The following ARHGAP39 variants were observed in gnomAD, a reference collection of about 807,000 sequenced individuals.
ARHGAP39 encodes rho GTPase-activating protein 39.
A neutral mutation model predicts 106.9 loss-of-function variants in ARHGAP39; 44 were observed. The ratio of observed to expected loss-of-function variants is 0.41; its 90% CI spans 0.32 to 0.53. ARHGAP39 has a LOEUF of 0.53. Ranked by LOEUF, ARHGAP39 falls within the 20% of genes least tolerant of loss-of-function variation. The pLI is 0.21. For synonymous variants in ARHGAP39, 768 were observed against 693.2 expected (o/e 1.11, Z -1.69); for missense variants, 1,496 against 1,577.3 (o/e 0.95, Z 0.87).
At chr8:144,664,026 G>A (rs1369605439) in intron 1 of ARHGAP39, among the ~76,000 whole-genome samples, 1 of 152,086 alleles carries the variant, frequency 6.6e-6, no homozygotes, top group Non-Finnish European at 1.5e-5. Context: ...AATTAGCCGG[G>A]CATAGTGGTG....
chr8:144,621,032 G>A (rs373474512), intron 1 of ARHGAP39, among the ~76,000 whole-genome samples: 4 of 152,282 alleles, frequency 2.6e-5, no homozygotes, highest in African/African-American at 7.2e-5. Flanking sequence ...GTTGGAGGGG[G>A]CCAGACTCAC....
intron 1 of ARHGAP39, among the ~76,000 whole-genome samples, chr8:144,607,978 G>A (rs543882685): frequency 5.9e-5 from 9 of 152,054 alleles, no homozygotes; most frequent in South Asian, 2.1e-4. Context: ...CCAACACAGC[G>A]AAACCCCATC....
chr8:144,677,795 A>G (rs1412169578), intron 1 of ARHGAP39, among the ~76,000 whole-genome samples: 2 of 152,238 alleles, frequency 1.3e-5, no homozygotes, highest in African/African-American at 4.8e-5. Flanking sequence ...GTTCCAGGGT[A>G]GAGACTAGGA....
At position 144,593,157 on chromosome 8, in the gene ARHGAP39, CCT is replaced by C. The variant is rs1043058841; in HGVS notation, c.81-11882_81-11881del. Among the ~76,000 whole-genome samples, 50 of 152,138 alleles carry C rather than the reference CCT, an allele frequency of 3.3e-4. 1 individual carries two copies. Among genetic ancestry groups the C allele is most frequent in the Admixed American group, 2.8e-3 (43 of 15,266 alleles). On this transcript the variant is annotated intron_variant, in intron 2 of 11. Transcript: ENST00000377307. ...AAGGCGGAACAACCTTCCTGCAGCC[CCT>C]GTTTCTTGGAGATGTCTGTTTGCAC...
At position 144,580,891 on chromosome 8, in the gene ARHGAP39, G is replaced by C; in HGVS notation, c.467C>G (p.Ala156Gly). ...TGTCCCAAACGCCGCGGGCCGCCCG[G>C]CCCTCGCTGGCAACTCCTGCGCTTT... ...TEKAQELPAR[A>G]GRPAAFGTVK... The change falls in exon 3 of 12, where the codon GCC becomes GGC. Residue 156 changes from alanine to glycine, a missense_variant. This residue lies in a region of ARHGAP39 where 905 missense variants were observed against 816.4 expected (regional missense o/e 1.11). Coordinates refer to ENST00000377307, the MANE Select transcript of ARHGAP39 (RefSeq NM_025251.3). 6.3e-7 allele frequency: 1 copy of C among 1,592,838 alleles called. No individual in the cohort carries two copies. The highest frequency in any genetic ancestry group is 1.7e-4 in the Middle Eastern group (1 of 5,912).
At chr8:144,539,543 T>C (rs981885293) in intron 6 of ARHGAP39, among the ~76,000 whole-genome samples, 68 of 152,386 alleles carry the variant, frequency 4.5e-4, no homozygotes, top group African/African-American at 1.6e-3. Flanking sequence ...TTAGGTTTTA[T>C]ATCTTGGTTT....
intron 1 of ARHGAP39, among the ~76,000 whole-genome samples, chr8:144,619,733 C>T (rs11992590): frequency 0.027 from 3,912 of 147,056 alleles, 168 homozygotes; most frequent in African/African-American, 0.094. Flanking sequence ...TGTCCGTGTG[C>T]GTGTGAGCCT....
chr8:144,551,567 C>T (rs1817691470), intron 4 of ARHGAP39, among the ~76,000 whole-genome samples: 3 of 152,302 alleles, frequency 2.0e-5, no homozygotes, highest in East Asian at 1.9e-4. Context: ...GAGGACCACG[C>T]CCCACGGCGC....
At chr8:144,664,310 T>G (rs1277655556) in intron 1 of ARHGAP39, among the ~76,000 whole-genome samples, 2 of 152,196 alleles carry the variant, frequency 1.3e-5, no homozygotes. Context: ...TCCCTCCACA[T>G]GGCAGCCAGC....
chr8:144,628,838 T>G (rs1029429673), intron 1 of ARHGAP39, among the ~76,000 whole-genome samples: 2 of 152,214 alleles, frequency 1.3e-5, no homozygotes, highest in African/African-American at 4.8e-5. Flanking sequence ...CCCCACCCTG[T>G]CACCGCTGTG....
chr8:144,589,655 G>A (rs1207935366), intron 2 of ARHGAP39, among the ~76,000 whole-genome samples: 1 of 152,250 alleles, frequency 6.6e-6, no homozygotes, highest in East Asian at 1.9e-4. Flanking sequence ...GGCAGAGGGT[G>A]GCCCCCACAT....
chr8:144,663,984 T>C (rs756218133), intron 1 of ARHGAP39, among the ~76,000 whole-genome samples: 8 of 151,992 alleles, frequency 5.3e-5, no homozygotes, highest in Non-Finnish European at 8.8e-5. Context: ...TTGGGCAACA[T>C]GGTGAAAGCC....
In ARHGAP39 at chr8:144,547,058, C is replaced by A; in HGVS notation, c.1959+69G>T. On this transcript the variant is annotated intron_variant, in intron 5 of 11. Transcript: ENST00000377307. The surrounding 1 kb of genome is among the most constrained non-coding windows in gnomAD (Gnocchi z 5.2). ...TGGACGCCAGGTCTCCTGTGCCTGG[C>A]CCACGGGGTCCACTCTGACTGGGCT... The A allele has an allele frequency of 6.8e-7, 1 of 1,466,406 alleles. No individual in the cohort carries two copies. The allele number at this position is 1,466,406 out of a possible 1,614,324, so 90.8% of individuals were successfully genotyped here. A position where few individuals can be genotyped will look rare whatever the true frequency, so the allele number is the denominator to read the frequency against.
chr8:144,588,795 TGC>T (rs1393440065), intron 2 of ARHGAP39, among the ~76,000 whole-genome samples: 1 of 152,250 alleles, frequency 6.6e-6, no homozygotes, highest in African/African-American at 2.4e-5. Flanking sequence ...AGGACTCTTG[TGC>T]GTGCTCACCG....
Position 144,561,560 on chromosome 8 carries a change from G to C in ARHGAP39, c.513-5917C>G, listed in dbSNP as rs148978445. 2.4e-3 allele frequency among the ~76,000 whole-genome samples: 272 copies of C among 113,512 alleles called. 1 individual carries two copies. The highest frequency in any genetic ancestry group is 3.8e-3 in the Admixed American group (41 of 10,822). The allele number at this position is 113,512 out of a possible 152,430, so 74.5% of individuals were successfully genotyped here. ...GTTTCCATCACACTCCAGTGGTTTC[G>C]ATCGGACCCCAGTGGTTTCCATCGG... On this transcript the variant is annotated intron_variant, in intron 3 of 11. Coordinates refer to ENST00000377307, the MANE Select transcript of ARHGAP39 (RefSeq NM_025251.3).
At chr8:144,580,797 C>T in intron 3 of ARHGAP39, 49 bp downstream of exon 3, 1 of 1,445,674 alleles carries the variant, frequency 6.9e-7, no homozygotes, top group Non-Finnish European at 9.1e-7. Flanking sequence ...CCTGGCCCCG[C>T]CCACTCCATT....
chr8:144,597,918 C>A (rs969290507), intron 2 of ARHGAP39, among the ~76,000 whole-genome samples: 2 of 152,154 alleles, frequency 1.3e-5, no homozygotes, highest in Admixed American at 6.5e-5. Context: ...TGCGTCCACA[C>A]CACAAAGGCT....
chr8:144,679,564 G>T lies in ARHGAP39; in HGVS notation c.-82+6122C>A, dbSNP rs1822336790. 1.3e-5 allele frequency among the ~76,000 whole-genome samples: 2 copies of T among 152,186 alleles called. No individual in the cohort carries two copies. The highest frequency in any genetic ancestry group is 2.9e-5 in the Non-Finnish European group (2 of 68,034). ...GAGAAAGCTGTCCAGTAAACTCCTG[G>T]ATTTGGATTTCTTCCTTCACCAACC... On this transcript the variant is annotated intron_variant, in intron 1 of 11. Transcript: ENST00000377307. The surrounding 1 kb of genome is among the most constrained non-coding windows in gnomAD (Gnocchi z 4.7).
intron 1 of ARHGAP39, among the ~76,000 whole-genome samples, chr8:144,685,305 ACACT>A (rs1276418029): frequency 6.6e-6 from 1 of 150,478 alleles, no homozygotes; most frequent in Non-Finnish European, 1.5e-5. Context: ...GGGGCCGGGC[ACACT>A]CACACCCACC....
Sources: gnomAD v4.1 joint callset for allele counts (sites outside exome capture counted in the v4.1 genomes callset) on GRCh38, gnomAD v4.1.1 for gene constraint, gnomAD v4.1.1 regional missense constraint, Gnocchi (gnomAD v3.1) non-coding constraint, MANE v1.5 for transcripts, NCBI Gene and HGNC (gene_info 2026-07-23, HGNC 2026-07-21) for gene names.